Variants in TRMT1 observed in about 807,000 individuals in gnomAD.
TRMT1 encodes the protein tRNA (guanine(26)-N(2))-dimethyltransferase.
Under a neutral mutation model 75.4 loss-of-function variants are expected in TRMT1, and 63 were observed. The observed-to-expected ratio is 0.84, with a 90% CI of 0.68 to 1.03. The LOEUF is 1.03. TRMT1 is among the 50% of genes least tolerant of loss of function. TRMT1 has a pLI of 0.00. For synonymous variants in TRMT1, 382 were observed against 358.1 expected (o/e 1.07, Z -0.75); for missense variants, 870 against 905.3 (o/e 0.96, Z 0.50).
At chr19:13,109,519 G>GC (rs2019039478) in intron 11 of TRMT1, 31 bp downstream of exon 11, 8 of 1,613,862 alleles carry the variant, frequency 5.0e-6, no homozygotes, top group African/African-American at 1.3e-5. Flanking sequence ...CACAGGTGGA[G>GC]CCCCCTTCCC....
rs1002184580 is a variant in TRMT1, at chr19:13,115,766, T to C, written c.313A>G (p.Lys105Glu). The change falls in exon 4 of 17, where the codon AAG becomes GAG. Residue 105 changes from lysine (K) to glutamate (E), a missense_variant and splice_region_variant. Coordinates refer to ENST00000357720, the MANE Select transcript of TRMT1 (RefSeq NM_001136035.4). The stretch of plus-strand genomic sequence containing the variant: ...TGCGTGTCCTTCTCTCCTGGAACCT[T>C]GACTGCAGCCACCCAGAGGCACAAG... Reference protein sequence around the residue: ...IQLGAKGIQIKVPGEKDTQKV... With the variant: ...IQLGAKGIQIEVPGEKDTQKV... 1.2e-6 allele frequency: 2 copies of C among 1,614,024 alleles called. No homozygotes were observed. The highest frequency in any genetic ancestry group is 2.2e-5 in the South Asian group (2 of 91,078).
rs2019381154 is a variant in TRMT1, at chr19:13,116,715, G to T, written c.-95C>A. ...TGCACGTTTCCCGAATTAGGACCTG[G>T]GCGCCGCCATGTTGGCACAGTGGGT... On this transcript the variant is annotated 5_prime_UTR_variant, in exon 1 of 17. Coordinates refer to ENST00000357720, the MANE Select transcript of TRMT1 (RefSeq NM_001136035.4). The T allele has an allele frequency of 2.7e-6, 1 of 371,206 alleles. No individual in the cohort carries two copies. Among genetic ancestry groups the T allele is most frequent in the Non-Finnish European group, 5.0e-6 (1 of 201,702 alleles). 23.0% of individuals were successfully genotyped at this position (371,206 alleles called of 1,614,324 possible).
chr19:13,107,985 CTTTTTTTTTTTT>C (rs71168652), intron 12 of TRMT1, 126 bp from the exon 13 acceptor site: 52 of 332,356 alleles, frequency 1.6e-4, no homozygotes, highest in African/African-American at 8.5e-4. Context: ...CTTTTCTTTT[CTTTTTTTTTTTT>C]TTTTTTTTTT....
chr19:13,105,833 G>A (rs544251967), intron 14 of TRMT1, among the ~76,000 whole-genome samples: 4 of 152,234 alleles, frequency 2.6e-5, no homozygotes, highest in East Asian at 1.9e-4. Flanking sequence ...AGGCTGAGGC[G>A]GGTGGATCAC....
Position 13,112,981 on chromosome 19 carries a change from C to T in TRMT1, c.672G>A (p.Ser224=), listed in dbSNP as rs138695893. ...RMLMYQHQRV[S]ERFDVIDLDP... is the part of the protein sequence containing the mutation. ...CCAGATCGATGACGTCAAACCTCTC[C>T]GACACCCTCTGGTGCTGGTACATCA... The change falls in exon 6 of 17, where the codon TCG becomes TCA. Residue 224 remains serine, a synonymous_variant. Coordinates refer to ENST00000357720, the MANE Select transcript of TRMT1 (RefSeq NM_001136035.4). 4.2e-5 allele frequency: 67 copies of T among 1,613,256 alleles called. No individual in the cohort carries two copies. In the East Asian group the frequency reaches 6.2e-4, roughly 15 times the overall value.
Position 13,109,611 on chromosome 19 carries a change from G to A in TRMT1, c.1250C>T (p.Ala417Val). ...CGAGGTGTGGAAGCGGCCGGGGTTAGCGCTCACAGCCTCCAGGACACGGCC... is the reference window on the plus strand; with the variant it reads ...CGAGGTGTGGAAGCGGCCGGGGTTAACGCTCACAGCCTCCAGGACACGGCC... Reference protein sequence around the residue: ...FVGRVLEAVSANPGRFHTSER... With the variant: ...FVGRVLEAVSVNPGRFHTSER... Residue 417 changes from alanine to valine, a missense_variant, in exon 11 of 17, where the codon GCT (alanine) becomes GTT (valine). Transcript: ENST00000357720. 7 of 1,613,960 alleles carry A rather than the reference G, an allele frequency of 4.3e-6. No homozygotes were observed. The highest frequency in any genetic ancestry group is 2.5e-6 in the Non-Finnish European group (3 of 1,179,990).
Position 13,110,304 on chromosome 19 carries a change from G to A in TRMT1, c.873C>T (p.Ala291=), listed in dbSNP as rs1347295276. 4.0e-6 allele frequency: 4 copies of A among 991,062 alleles called. No individual in the cohort carries two copies. The highest frequency in any genetic ancestry group is 2.7e-5 in the East Asian group (1 of 37,252). 61.4% of individuals were successfully genotyped at this position (991,062 alleles called of 1,614,324 possible). The change falls in exon 8 of 17, where the codon GCC becomes GCT. Residue 291 remains alanine (A), a splice_region_variant and synonymous_variant. Coordinates refer to ENST00000357720, the MANE Select transcript of TRMT1 (RefSeq NM_001136035.4). ...CCAGGCTGTGCAGGACGATTCTCAG[G>A]GCCTGGGGGTGGGGGGTGGGTGTCA... ...ALKSRACHEM[A]LRIVLHSLDL... is the part of the protein sequence containing the mutation.
intron 7 of TRMT1, among the ~76,000 whole-genome samples, chr19:13,111,689 C>T (rs1261971872): frequency 1.3e-5 from 2 of 150,070 alleles, no homozygotes; most frequent in East Asian, 2.0e-4. Context: ...TGAGCCACCG[C>T]GCCCGGCCTA....
At chr19:13,108,719 C>T (rs1318108900) in intron 12 of TRMT1, among the ~76,000 whole-genome samples, 1 of 152,052 alleles carries the variant, frequency 6.6e-6, no homozygotes, top group East Asian at 1.9e-4. Context: ...CAGTGATTCT[C>T]GTGCCTCAGC....
At chr19:13,115,953 A>G (rs187625252) in intron 3 of TRMT1, 44 bp downstream of exon 3, 122 of 1,613,654 alleles carry the variant, frequency 7.6e-5, no homozygotes, top group Admixed American at 5.2e-4. Flanking sequence ...AGGGAGATAA[A>G]CTTGTGTGAC....
In TRMT1 at chr19:13,115,438, G is replaced by T. The variant is rs1268499037; in HGVS notation, c.482C>A (p.Ala161Glu). 1 of 1,613,674 alleles carries T rather than the reference G, an allele frequency of 6.2e-7. No homozygotes were observed. The highest frequency in any genetic ancestry group is 8.5e-7 in the Non-Finnish European group (1 of 1,179,846). Residue 161 changes from alanine to glutamate, a missense_variant, in exon 5 of 17, where the codon GCA (alanine) becomes GAA (glutamate). Physicochemically the swap from Ala to Glu is moderately radical, Grantham distance 107. Transcript: ENST00000357720. The stretch of plus-strand genomic sequence containing the variant: ...TCGAATGGAACGTAGGCCTGAAGCT[G>T]CCAGGCCTTCCAGCACATGCAGGCC... Reference protein sequence around the residue: ...EEGLHVLEGLAASGLRSIRFA... With the variant: ...EEGLHVLEGLEASGLRSIRFA...
At chr19:13,109,275 G>A (rs1324783638) in intron 12 of TRMT1, 106 bp downstream of exon 12, 8 of 1,316,114 alleles carry the variant, frequency 6.1e-6, no homozygotes, top group South Asian at 1.3e-5. Flanking sequence ...ACAGTGCACC[G>A]GGTTCTCCCC....
chr19:13,116,082 C>T (rs1188909797), intron 2 of TRMT1, 30 bp from the exon 3 acceptor site: 2 of 1,613,278 alleles, frequency 1.2e-6, no homozygotes, highest in East Asian at 2.2e-5. Flanking sequence ...TAGCTCATAC[C>T]CCGCCCCCGC....
rs141733934 is a variant in TRMT1 at position 13,105,954 on chromosome 19, C to T, written c.1584-348G>A. 3.7e-3 allele frequency among the ~76,000 whole-genome samples: 558 copies of T among 152,138 alleles called. 1 individual carries two copies. The highest frequency in any genetic ancestry group is 0.012 in the African/African-American group (510 of 41,540). The stretch of plus-strand genomic sequence containing the variant: ...CCGGGTGCCTGTGATACCAGCTACT[C>T]GGGACGCTGAGGCAGGAGAATCGCT... On this transcript the variant is annotated intron_variant, in intron 14 of 16. Coordinates refer to ENST00000357720, the MANE Select transcript of TRMT1 (RefSeq NM_001136035.4).
chr19:13,116,273 G>A lies in TRMT1; in HGVS notation c.127C>T (p.Pro43Ser), dbSNP rs746248089. The change falls in exon 2 of 17, where the codon CCC (proline) becomes TCC (serine). Residue 43 changes from proline (P) to serine (S), a missense_variant. Coordinates refer to ENST00000357720, the MANE Select transcript of TRMT1 (RefSeq NM_001136035.4). ...TCACGTGGACGTTCTTCTCCGTAGG[G>A]CCCGGTGCCGTTCTCCATCGCTGCT... is the stretch of plus-strand genomic sequence containing the variant. Reference protein sequence around the residue: ...NTAAMENGTGPYGEERPREVQ... With the variant: ...NTAAMENGTGSYGEERPREVQ... The A allele has an allele frequency of 2.5e-6, 4 of 1,614,146 alleles. No homozygotes were observed. The highest frequency in any genetic ancestry group is 2.2e-5 in the East Asian group (1 of 44,884).
Position 13,116,043 on chromosome 19 carries a change from C to T in TRMT1, c.264G>A (p.Val88=). The change falls in exon 3 of 17, where the codon GTG becomes GTA. Residue 88 remains valine, a synonymous_variant. Coordinates refer to ENST00000357720, the MANE Select transcript of TRMT1 (RefSeq NM_001136035.4). Reference sequence around the variant, plus strand: ...GCTGAATGCGAGCAAACTCGGTGATCACAGCACATCTGGTGGGAGACAGAG... The same window carrying T: ...GCTGAATGCGAGCAAACTCGGTGATTACAGCACATCTGGTGGGAGACAGAG... The part of the protein sequence containing the change: ...QEFNRDLTCA[V]ITEFARIQLG... 6.2e-7 allele frequency: 1 copy of T among 1,614,080 alleles called. No individual in the cohort carries two copies. The highest frequency in any genetic ancestry group is 8.5e-7 in the Non-Finnish European group (1 of 1,180,024).
In TRMT1 at chr19:13,113,011, C is replaced by T. The variant is rs144819289; in HGVS notation, c.642G>A (p.Arg214=). Residue 214 remains arginine, a splice_region_variant and synonymous_variant, in exon 6 of 17, where the codon CGG becomes CGA. Transcript: ENST00000357720. ...CCCTCTGGTGCTGGTACATCAGCAT[C>T]CTGGGTGCAAAGAGGGCCAGGTCCT... is the stretch of plus-strand genomic sequence containing the variant. ...HLVQPSQADA[R]MLMYQHQRVS... 15 of 1,607,158 alleles carry T rather than the reference C, an allele frequency of 9.3e-6. No homozygotes were observed. The highest frequency in any genetic ancestry group is 2.7e-5 in the African/African-American group (2 of 74,836).
intron 15 of TRMT1, 25 bp downstream of exon 15, chr19:13,105,462 C>G: frequency 1.9e-6 from 3 of 1,613,996 alleles, no homozygotes; most frequent in African/African-American, 2.7e-5. Flanking sequence ...TGGCTGAGCC[C>G]CACCCCCACC....
At chr19:13,112,121 C>T (rs1167155301) in intron 7 of TRMT1, among the ~76,000 whole-genome samples, 2 of 152,054 alleles carry the variant, frequency 1.3e-5, no homozygotes, top group Non-Finnish European at 2.9e-5. Context: ...TCCTGAGTAG[C>T]CGGGATTACA....
Sources: allele counts gnomAD v4.1 joint callset (sites outside exome capture counted in the v4.1 genomes callset), GRCh38; gene constraint gnomAD v4.1.1; transcripts MANE v1.5; gene names NCBI Gene and HGNC (gene_info 2026-07-23, HGNC 2026-07-21).